STK11: variants seen among roughly 807,000 people sequenced by gnomAD.
STK11 encodes serine/threonine kinase 11.
In STK11, 8 loss-of-function variants were observed where a neutral mutation model predicts 47.3. That is an observed-to-expected ratio of 0.17 (90% CI 0.10 to 0.31). The LOEUF (loss-of-function observed/expected upper bound fraction) is 0.31, where lower values mean the gene tolerates loss of function less well. STK11 is among the 10% of genes least tolerant of loss of function. The pLI, the probability that STK11 is intolerant of heterozygous loss-of-function variation, is 1.00. For synonymous variants in STK11, 330 were observed against 255.8 expected, an observed-to-expected ratio of 1.29 and a Z score of -2.77; for missense variants, 475 against 605.0, an observed-to-expected ratio of 0.79 and a Z score of 2.25.
intron 8 of STK11, 85 bp from the exon 9 acceptor site, chr19:1,226,369 G>A (rs1473262056): frequency 3.8e-5 from 59 of 1,545,100 alleles, no homozygotes; most frequent in Admixed American, 1.4e-4. Flanking sequence ...CTGTAAGTGC[G>A]TCCCCGTGGT....
Position 1,223,075 on chromosome 19 carries a change from G to A in STK11, c.1011G>A (p.Val337=), listed in dbSNP as rs1555739249. 1 of 1,608,334 alleles carries A rather than the reference G, an allele frequency of 6.2e-7. No individual in the cohort carries two copies. Among genetic ancestry groups the A allele is most frequent in the Non-Finnish European group, 8.5e-7 (1 of 1,178,072 alleles). The change falls in exon 8 of 10, where the codon GTG becomes GTA. Residue 337 remains valine, a synonymous_variant. Transcript: ENST00000326873. ...DTKDRWRSMT[V]VPYLEDLHGA... ...AGGACCGGTGGCGCAGCATGACTGTGGTGCCGTACTTGGAGGACCTGCACG... is the reference window on the plus strand; with the variant it reads ...AGGACCGGTGGCGCAGCATGACTGTAGTGCCGTACTTGGAGGACCTGCACG...
intron 1 of STK11, among the ~76,000 whole-genome samples, chr19:1,214,509 C>T (rs1056882725): frequency 1.3e-5 from 2 of 152,336 alleles, no homozygotes; most frequent in Admixed American, 1.3e-4. Context: ...GTGCCCGTTT[C>T]CCCATCTGTA....
rs1427783283 is a variant in STK11 at position 1,226,506 on chromosome 19, C to A, written c.1161C>A (p.Pro387=). ...ASHNGQRRGL[P]KAVCMNGTEA... The stretch of plus-strand genomic sequence containing the variant: ...ACAATGGACAGCGCCGGGGCCTCCC[C>A]AAGGCCGTGTGTATGAACGGCACAG... The change falls in exon 9 of 10, where the codon CCC becomes CCA. Residue 387 remains proline (P), a synonymous_variant. Transcript: ENST00000326873. 1.2e-6 allele frequency: 2 copies of A among 1,610,820 alleles called. No homozygotes were observed. Among genetic ancestry groups the A allele is most frequent in the Non-Finnish European group, 1.7e-6 (2 of 1,179,180 alleles).
intron 1 of STK11, among the ~76,000 whole-genome samples, chr19:1,217,805 C>CCA (rs1481842706): frequency 6.6e-6 from 1 of 152,202 alleles, no homozygotes; most frequent in Non-Finnish European, 1.5e-5. Flanking sequence ...CTGGCTCCTG[C>CCA]CACAGTCTGG....
chr19:1,223,728 GGCCGGCGCC>G, intron 8 of STK11: 19 of 1,041,558 alleles, frequency 1.8e-5, no homozygotes, highest in Non-Finnish European at 2.2e-5. Context: ...GAAGCCTCTC[GGCCGGCGCC>G]GCAGTAGTGC....
At position 1,226,525 on chromosome 19, in the gene STK11, G is replaced by T. The variant is rs768780695; in HGVS notation, c.1180G>T (p.Gly394Cys). ...CCTCCCCAAGGCCGTGTGTATGAACGGCACAGAGGCGGCGCAGCTGAGCAC... is the reference window on the plus strand; with the variant it reads ...CCTCCCCAAGGCCGTGTGTATGAACTGCACAGAGGCGGCGCAGCTGAGCAC... ...RGLPKAVCMN[G>C]TEAAQLSTKS... The change falls in exon 9 of 10, where the codon GGC becomes TGC. Residue 394 changes from glycine (G) to cysteine (C), a missense_variant. Coordinates refer to ENST00000326873, the MANE Select transcript of STK11 (RefSeq NM_000455.5). The T allele has an allele frequency of 6.2e-7, 1 of 1,608,974 alleles. No homozygotes were observed. The highest frequency in any genetic ancestry group is 8.5e-7 in the Non-Finnish European group (1 of 1,178,446).
rs780749732 is a variant in STK11 at position 1,218,438 on chromosome 19, G to C, written c.312G>C (p.Arg104Ser). Residue 104 changes from arginine to serine, a missense_variant, in exon 2 of 10, where the codon AGG becomes AGC. This residue lies in a region of STK11 where 46 missense variants were observed against 45.5 expected (regional missense o/e 1.01). Coordinates refer to ENST00000326873, the MANE Select transcript of STK11 (RefSeq NM_000455.5). ...NVKKEIQLLR[R>S]LRHKNVIQLV... ...CCAGGGAAATTCAACTACTGAGGAG[G>C]TTACGGCACAAAAATGTCATCCAGC... 2.5e-6 allele frequency: 4 copies of C among 1,613,684 alleles called. No individual in the cohort carries two copies. The highest frequency in any genetic ancestry group is 3.4e-6 in the Non-Finnish European group (4 of 1,179,812).
intron 8 of STK11, chr19:1,226,203 G>A (rs2080819293): frequency 6.7e-6 from 9 of 1,350,926 alleles, no homozygotes; most frequent in Middle Eastern, 2.7e-4. Context: ...CTGCGGCCAT[G>A]GCAGGTGCAA....
At chr19:1,227,381 C>A in intron 9 of STK11, 1 of 317,866 alleles carries the variant, frequency 3.1e-6, no homozygotes, top group Non-Finnish European at 4.9e-6. Context: ...GCCCATCCAC[C>A]AGCGTCAGAG....
chr19:1,208,606 C>CTTT (rs2080686263), intron 1 of STK11, among the ~76,000 whole-genome samples: 1 of 93,556 alleles, frequency 1.1e-5, no homozygotes, highest in African/African-American at 5.4e-5. Flanking sequence ...ACGCGTGCGG[C>CTTT]CTTTTTTTTT....
At chr19:1,225,469 C>G (rs537841993) in intron 8 of STK11, 6 of 864,968 alleles carry the variant, frequency 6.9e-6, no homozygotes, top group African/African-American at 1.8e-5. Flanking sequence ...GGGGGTTTCA[C>G]CATGTTGGTC....
At position 1,206,803 on chromosome 19, in the gene STK11, T is replaced by C; in HGVS notation, c.-111T>C. On this transcript the variant is annotated 5_prime_UTR_variant, in exon 1 of 10. Coordinates refer to ENST00000326873, the MANE Select transcript of STK11 (RefSeq NM_000455.5). ...CTTTTGGGGTTTTTGTTGCCTTTTT[T>C]TTTTCTTTTTTCTTTGTAAAATTTT... 7.3e-7 allele frequency: 1 copy of C among 1,360,908 alleles called. No homozygotes were observed. Among genetic ancestry groups the C allele is most frequent in the Non-Finnish European group, 9.7e-7 (1 of 1,025,854 alleles). The allele number at this position is 1,360,908 out of a possible 1,614,324, so 84.3% of individuals were successfully genotyped here. A position where few individuals can be genotyped will look rare whatever the true frequency, so the allele number is the denominator to read the frequency against.
At chr19:1,225,844 C>T (rs2080816852) in intron 8 of STK11, 2 of 986,148 alleles carry the variant, frequency 2.0e-6, no homozygotes, top group Non-Finnish European at 2.4e-6. Context: ...CTTTCCCCTG[C>T]CATTGTGAGA....
intron 2 of STK11, among the ~76,000 whole-genome samples, 189 bp from the exon 3 acceptor site, chr19:1,219,135 C>T (rs1053300087): frequency 2.0e-5 from 3 of 152,120 alleles, no homozygotes; most frequent in East Asian, 3.9e-4. Flanking sequence ...TCCCCGTAGG[C>T]TCCTTCCTCC....
rs2080667474 is a variant in STK11, at chr19:1,206,675, C to A, written c.-239C>A. 5.3e-6 allele frequency: 3 copies of A among 563,506 alleles called. No individual in the cohort carries two copies. The highest frequency in any genetic ancestry group is 5.0e-5 in the South Asian group (2 of 39,658). 34.9% of individuals were successfully genotyped at this position (563,506 alleles called of 1,614,324 possible). ...TCGCGTCTGAGCCGCCGTCCCGGACCCCCGGTGCCCGCCGGTCCGCAGACC... is the reference window on the plus strand; with the variant it reads ...TCGCGTCTGAGCCGCCGTCCCGGACACCCGGTGCCCGCCGGTCCGCAGACC... On this transcript the variant is annotated 5_prime_UTR_variant, in exon 1 of 10. Transcript: ENST00000326873.
rs2145424239 is a variant in STK11, at chr19:1,220,404, T to C, written c.496T>C (p.Tyr166His). Residue 166 changes from tyrosine (Y) to histidine (H), a missense_variant, in exon 4 of 10, where the codon TAC (tyrosine) becomes CAC (histidine). Transcript: ENST00000326873. ...YFCQLIDGLE[Y>H]LHSQGIVHKD... ...CTGTCAGCTGATTGACGGCCTGGAG[T>C]ACCTGCATAGCCAGGGCATTGTGCA... 8 of 1,604,172 alleles carry C rather than the reference T, an allele frequency of 5.0e-6. No individual in the cohort carries two copies. Among genetic ancestry groups the C allele is most frequent in the Non-Finnish European group, 6.0e-6 (7 of 1,175,962 alleles).
In STK11 at chr19:1,228,358, G is replaced by C. The variant is rs886450107; in HGVS notation, c.*782G>C. The C allele has an allele frequency of 1.3e-5, 3 of 239,850 alleles. No individual in the cohort carries two copies. Among genetic ancestry groups the C allele is most frequent in the Non-Finnish European group, 2.4e-5 (3 of 124,738 alleles). The allele number at this position is 239,850 out of a possible 1,614,324, so 14.9% of individuals were successfully genotyped here. A position where few individuals can be genotyped will look rare whatever the true frequency, so the allele number is the denominator to read the frequency against. On this transcript the variant is annotated 3_prime_UTR_variant, in exon 10 of 10. Transcript: ENST00000326873. The stretch of plus-strand genomic sequence containing the variant: ...CGCCATCGCGGGATGGTGCAGACGC[G>C]GCGGGGACTCGGAGGGTGCCGTGCG...
At chr19:1,208,095 C>A (rs2080681127) in intron 1 of STK11, among the ~76,000 whole-genome samples, 1 of 152,184 alleles carries the variant, frequency 6.6e-6, no homozygotes, top group Admixed American at 6.5e-5. Context: ...AAAACTTTGC[C>A]TCCTGTTTCC....
chr19:1,221,962 C>T lies in STK11; in HGVS notation c.876C>T (p.Tyr292=), dbSNP rs148928808. 87 of 1,562,502 alleles carry T rather than the reference C, an allele frequency of 5.6e-5. No individual in the cohort carries two copies. The East Asian group carries it at 1.2e-3, about 21-fold the overall frequency. ...LSDLLKGMLE[Y]EPAKRFSIRQ... ...GCTTCTCCTCAGGGATGCTTGAGTA[C>T]GAACCGGCCAAGAGGTTCTCCATCC... The change falls in exon 7 of 10, where the codon TAC becomes TAT. Residue 292 remains tyrosine (Y), a synonymous_variant. Coordinates refer to ENST00000326873, the MANE Select transcript of STK11 (RefSeq NM_000455.5).
Sources: gnomAD v4.1 joint callset for allele counts (sites outside exome capture counted in the v4.1 genomes callset) on GRCh38, gnomAD v4.1.1 for gene constraint, gnomAD v4.1.1 regional missense constraint, MANE v1.5 for transcripts, NCBI Gene and HGNC (gene_info 2026-07-23, HGNC 2026-07-21) for gene names.